CPQ: variants seen among roughly 807,000 people sequenced by gnomAD.
The protein encoded by CPQ is Ser-Met dipeptidase.
CPQ carries 37 observed loss-of-function variants against 45.7 expected under a neutral mutation model. The ratio of observed to expected loss-of-function variants is 0.81; its 90% CI spans 0.62 to 1.07. CPQ has a LOEUF of 1.07. Ranked by LOEUF, CPQ falls within the 50% of genes least tolerant of loss-of-function variation. The probability of loss-of-function intolerance (pLI) is 0.00; values close to 1 mark genes in which losing one functional copy is unlikely to be tolerated. For synonymous variants in CPQ, 186 were observed against 205.8 expected, an observed-to-expected ratio of 0.90 and a Z score of 0.82; for missense variants, 537 against 572.9, an observed-to-expected ratio of 0.94 and a Z score of 0.64.
At chr8:96,702,135 G>C (rs1242819761) in intron 1 of CPQ, among the ~76,000 whole-genome samples, 2 of 152,222 alleles carry the variant, frequency 1.3e-5, no homozygotes, top group East Asian at 1.9e-4. Flanking sequence ...TAACAAGAAG[G>C]CTTCTTTGGC....
chr8:97,024,122 G>A (rs1218387041), intron 5 of CPQ, among the ~76,000 whole-genome samples: 1 of 152,136 alleles, frequency 6.6e-6, no homozygotes, highest in African/African-American at 2.4e-5. Flanking sequence ...AGGCCATTTT[G>A]TTGAGCCCAG....
intron 5 of CPQ, among the ~76,000 whole-genome samples, chr8:97,003,264 G>A (rs369975114): frequency 2.0e-5 from 3 of 151,996 alleles, no homozygotes; most frequent in East Asian, 1.9e-4. Flanking sequence ...TACATTTAAG[G>A]TTAGTATTTA....
At chr8:96,755,594 A>G (rs1249412143) in intron 1 of CPQ, among the ~76,000 whole-genome samples, 1 of 151,862 alleles carries the variant, frequency 6.6e-6, no homozygotes, top group Non-Finnish European at 1.5e-5. Flanking sequence ...ACAAGGTCAA[A>G]TCTTATAAAT....
chr8:96,898,720 T>C (rs1318718550), intron 4 of CPQ, among the ~76,000 whole-genome samples: 1 of 148,284 alleles, frequency 6.7e-6, no homozygotes, highest in Non-Finnish European at 1.5e-5. Context: ...GGCACATGTA[T>C]ATATATGTAA....
At chr8:97,059,182 C>T (rs1810504588) in intron 6 of CPQ, among the ~76,000 whole-genome samples, 1 of 152,084 alleles carries the variant, frequency 6.6e-6, no homozygotes, top group South Asian at 2.1e-4. Flanking sequence ...ATAGGTTTGT[C>T]TCAGAACAGA....
Position 96,787,366 on chromosome 8 carries a change from A to G in CPQ, c.433+2036A>G, listed in dbSNP as rs189408555. Among the ~76,000 whole-genome samples, 348 of 152,068 alleles carry G rather than the reference A, an allele frequency of 2.3e-3. 4 individuals carry two copies. The highest frequency in any genetic ancestry group is 8.2e-3 in the African/African-American group (340 of 41,520). On this transcript the variant is annotated intron_variant, in intron 2 of 7. Transcript: ENST00000220763. ...GGTGCATTACATTAATTGATTTTCAAATGTTAAACAAACCTTGCATTACTG... is the reference window on the plus strand; with the variant it reads ...GGTGCATTACATTAATTGATTTTCAGATGTTAAACAAACCTTGCATTACTG...
intron 1 of CPQ, among the ~76,000 whole-genome samples, chr8:96,781,266 T>G (rs1012871945): frequency 1.3e-5 from 2 of 152,192 alleles, no homozygotes; most frequent in Non-Finnish European, 2.9e-5. Context: ...CTGGATAGTT[T>G]ATAACTAACA....
intron 2 of CPQ, among the ~76,000 whole-genome samples, chr8:96,793,091 G>A (rs754108137): frequency 1.3e-5 from 2 of 151,762 alleles, no homozygotes; most frequent in African/African-American, 2.4e-5. Context: ...GTGGGACACA[G>A]CCAAGCCATA....
intron 1 of CPQ, among the ~76,000 whole-genome samples, chr8:96,686,894 A>G (rs1412430203): frequency 6.6e-6 from 1 of 152,170 alleles, no homozygotes. Flanking sequence ...TTTCAAATTT[A>G]TCTGGGATGT....
At chr8:96,774,265 AGTC>A (rs1810580023) in intron 1 of CPQ, among the ~76,000 whole-genome samples, 1 of 151,136 alleles carries the variant, frequency 6.6e-6, no homozygotes, top group Non-Finnish European at 1.5e-5. Flanking sequence ...AGCGAGACTC[AGTC>A]TCAAAAAAAA....
chr8:96,928,701 A>G (rs1812927601), intron 4 of CPQ, among the ~76,000 whole-genome samples: 1 of 152,124 alleles, frequency 6.6e-6, no homozygotes, highest in Non-Finnish European at 1.5e-5. Context: ...AGATTTCTCC[A>G]CATCACTGAT....
intron 2 of CPQ, among the ~76,000 whole-genome samples, chr8:96,806,331 A>C (rs1208350992): frequency 1.3e-5 from 2 of 152,088 alleles, no homozygotes; most frequent in African/African-American, 4.8e-5. Context: ...CAAAGCAGAA[A>C]CTCTAAGTAC....
intron 4 of CPQ, among the ~76,000 whole-genome samples, chr8:96,907,772 T>C (rs191822962): frequency 1.3e-3 from 196 of 152,124 alleles, no homozygotes; most frequent in Non-Finnish European, 2.4e-3. Flanking sequence ...AATTTTAGGG[T>C]TCTCCTCCTG....
At chr8:96,833,638 G>A (rs1811488375) in intron 2 of CPQ, among the ~76,000 whole-genome samples, 1 of 152,146 alleles carries the variant, frequency 6.6e-6, no homozygotes, top group African/African-American at 2.4e-5. Context: ...GTATTTTTAT[G>A]TATGCATATT....
intron 1 of CPQ, among the ~76,000 whole-genome samples, chr8:96,707,451 T>G (rs1195638198): frequency 6.6e-6 from 1 of 152,094 alleles, no homozygotes; most frequent in African/African-American, 2.4e-5. Context: ...GTTAACTTTC[T>G]TAAAACATTA....
intron 1 of CPQ, among the ~76,000 whole-genome samples, chr8:96,661,669 GTTTA>G (rs1815703594): frequency 6.6e-6 from 1 of 152,122 alleles, no homozygotes. Flanking sequence ...GTGTGCTACA[GTTTA>G]TTTATCCGTT....
intron 2 of CPQ, among the ~76,000 whole-genome samples, chr8:96,816,686 C>T (rs557774158): frequency 1.3e-5 from 2 of 152,168 alleles, no homozygotes; most frequent in South Asian, 4.2e-4. Flanking sequence ...GCTATTTGAT[C>T]CATGGGCTTC....
intron 2 of CPQ, among the ~76,000 whole-genome samples, chr8:96,790,530 T>G (rs906319296): frequency 6.6e-6 from 1 of 152,154 alleles, no homozygotes; most frequent in Non-Finnish European, 1.5e-5. Context: ...GTAATGGGGT[T>G]GGGGAATGAG....
At chr8:97,067,798 T>A (rs959950774) in intron 7 of CPQ, among the ~76,000 whole-genome samples, 7 of 152,226 alleles carry the variant, frequency 4.6e-5, no homozygotes, top group Non-Finnish European at 8.8e-5. Flanking sequence ...TGTACTTCTC[T>A]GGACAGATCC....
Sources: gnomAD v4.1 joint callset for allele counts (sites outside exome capture counted in the v4.1 genomes callset) on GRCh38, gnomAD v4.1.1 for gene constraint, MANE v1.5 for transcripts, NCBI Gene and HGNC (gene_info 2026-07-23, HGNC 2026-07-21) for gene names.